RRAS2: variants seen among roughly 807,000 people sequenced by gnomAD.
RRAS2 encodes the protein RAS related 2.
RRAS2 carries 7 observed loss-of-function variants against 27.6 expected under a neutral mutation model. The observed-to-expected ratio is 0.25, with a 90% CI of 0.14 to 0.48. The LOEUF is 0.48. Ranked by LOEUF, RRAS2 falls within the 20% of genes least tolerant of loss-of-function variation. RRAS2 has a pLI of 0.99. For missense variants in RRAS2, 178 were observed against 256.2 expected (o/e 0.69, Z 2.08); for synonymous variants, 86 against 90.9 (o/e 0.95, Z 0.31).
At chr11:14,309,474 A>G (rs1369595582) in intron 1 of RRAS2, among the ~76,000 whole-genome samples, 1 of 152,242 alleles carries the variant, frequency 6.6e-6, no homozygotes, top group Non-Finnish European at 1.5e-5. Context: ...ATAAGCAAAC[A>G]TAATACATCA....
At chr11:14,324,096 G>GTAATTTAATTTACTAAT (rs1848291250) in intron 1 of RRAS2, among the ~76,000 whole-genome samples, 1 of 151,604 alleles carries the variant, frequency 6.6e-6, no homozygotes, top group Admixed American at 6.6e-5. Context: ...GGAGGTCCTA[G>GTAATTTAATTTACTAAT]TTAATTTAAT....
intron 1 of RRAS2, among the ~76,000 whole-genome samples, chr11:14,311,108 G>A (rs1282960991): frequency 6.6e-6 from 1 of 152,200 alleles, no homozygotes; most frequent in Admixed American, 6.5e-5. Context: ...AACACTTTGG[G>A]AGGTCAAGGT....
At chr11:14,331,673 TAAAAAA>T (rs80130992) in intron 1 of RRAS2, among the ~76,000 whole-genome samples, 1 of 81,600 alleles carries the variant, frequency 1.2e-5, no homozygotes, top group African/African-American at 4.8e-5. Flanking sequence ...CCCCAACTCT[TAAAAAA>T]AAAAAAAAAA....
At position 14,344,591 on chromosome 11, in the gene RRAS2, C is replaced by T. The variant is rs937725369; in HGVS notation, c.108+14172G>A. Among the ~76,000 whole-genome samples the T allele has an allele frequency of 3.3e-5, 5 of 152,220 alleles. No individual in the cohort carries two copies. In the South Asian group the frequency reaches 1.0e-3, roughly 31 times the overall value. ...ACTACCTGCTTAGCTTTCCTTTCAG[C>T]TCGCATCTTTTGACTACTGAAACGT... is the stretch of plus-strand genomic sequence containing the variant. On this transcript the variant is annotated intron_variant, in intron 1 of 5. Coordinates refer to ENST00000256196, the MANE Select transcript of RRAS2 (RefSeq NM_012250.6).
intron 1 of RRAS2, among the ~76,000 whole-genome samples, chr11:14,319,601 A>AC (rs1460864077): frequency 2.1e-5 from 3 of 144,160 alleles, no homozygotes; most frequent in African/African-American, 5.2e-5. Flanking sequence ...CTCATGATCC[A>AC]CCCGCCTCAG....
At chr11:14,341,200 T>C (rs1848697407) in intron 1 of RRAS2, among the ~76,000 whole-genome samples, 1 of 152,268 alleles carries the variant, frequency 6.6e-6, no homozygotes, top group Admixed American at 6.5e-5. Flanking sequence ...ATAAATTTCA[T>C]GAGCAAAAAA....
At chr11:14,313,158 T>C (rs1244183201) in intron 1 of RRAS2, among the ~76,000 whole-genome samples, 1 of 152,204 alleles carries the variant, frequency 6.6e-6, no homozygotes. Flanking sequence ...CTTATAAAAA[T>C]ACCCAAGTAC....
At chr11:14,320,728 G>A (rs570154748) in intron 1 of RRAS2, among the ~76,000 whole-genome samples, 1 of 152,192 alleles carries the variant, frequency 6.6e-6, no homozygotes, top group Admixed American at 6.5e-5. Flanking sequence ...TTTTAAATAG[G>A]ATGGATTGGT....
At chr11:14,282,488 T>A (rs1184571235) in intron 4 of RRAS2, among the ~76,000 whole-genome samples, 3 of 152,208 alleles carry the variant, frequency 2.0e-5, no homozygotes, top group African/African-American at 7.2e-5. Flanking sequence ...AGTTCCTACA[T>A]GTTTTAAATG....
At chr11:14,299,402 C>G (rs1346832278) in intron 1 of RRAS2, among the ~76,000 whole-genome samples, 4 of 152,214 alleles carry the variant, frequency 2.6e-5, no homozygotes, top group Non-Finnish European at 4.4e-5. Context: ...ACCCATCAGG[C>G]TGTACACTTA....
Position 14,358,805 on chromosome 11 carries a change from C to T in RRAS2, c.66G>A (p.Gly22=). 1.3e-6 allele frequency: 2 copies of T among 1,492,232 alleles called. No homozygotes were observed. The highest frequency in any genetic ancestry group is 1.8e-6 in the Non-Finnish European group (2 of 1,114,908). 92.4% of individuals were successfully genotyped at this position (1,492,232 alleles called of 1,614,324 possible). A position where few individuals can be genotyped will look rare whatever the true frequency, so the allele number is the denominator to read the frequency against. The change falls in exon 1 of 6, where the codon GGG becomes GGA. Residue 22 remains glycine, a synonymous_variant. Coordinates refer to ENST00000256196, the MANE Select transcript of RRAS2 (RefSeq NM_012250.6). The surrounding 1 kb of genome is among the most constrained non-coding windows in gnomAD (Gnocchi z 5.1). ...QEKYRLVVVG[G]GGVGKSALTI... is the part of the protein sequence containing the mutation. ...TGAGCGCCGACTTGCCCACGCCGCCCCCGCCGACCACCACGAGCCGGTACT... is the reference window on the plus strand; with the variant it reads ...TGAGCGCCGACTTGCCCACGCCGCCTCCGCCGACCACCACGAGCCGGTACT...
At chr11:14,309,292 T>C (rs562719451) in intron 1 of RRAS2, among the ~76,000 whole-genome samples, 7 of 152,190 alleles carry the variant, frequency 4.6e-5, no homozygotes, top group South Asian at 4.1e-4. Context: ...GTTCTATTAC[T>C]AAACTGCTAA....
chr11:14,295,687 T>G (rs1554946477), intron 2 of RRAS2, 81 bp downstream of exon 2: 1 of 1,073,664 alleles, frequency 9.3e-7, no homozygotes, highest in Non-Finnish European at 1.3e-6. Flanking sequence ...TCAAATATAT[T>G]ATTTAACATA....
chr11:14,322,889 A>T (rs1848257866), intron 1 of RRAS2, among the ~76,000 whole-genome samples: 1 of 152,212 alleles, frequency 6.6e-6, no homozygotes, highest in African/African-American at 2.4e-5. Flanking sequence ...AAGTTAAAGA[A>T]TGACCACTAA....
At chr11:14,340,018 C>T (rs1387968385) in intron 1 of RRAS2, among the ~76,000 whole-genome samples, 19 of 151,570 alleles carry the variant, frequency 1.3e-4, no homozygotes, top group Middle Eastern at 6.8e-3. Flanking sequence ...ATTCAGGAGG[C>T]TGAGGTGGGA....
upstream of RRAS2, among the ~76,000 whole-genome samples, chr11:14,363,785 A>T (rs1319840036): frequency 7.1e-6 from 1 of 140,168 alleles, no homozygotes; most frequent in Non-Finnish European, 1.5e-5. Flanking sequence ...AATAAAATAA[A>T]ATAGGCCAGG....
rs185772004 is a variant in RRAS2, at chr11:14,303,581, G to C, written c.109-7726C>G. ...GAGAGACCCCCATCTCCACAAAAAG[G>C]GGGGAAAAAAGTTTAAATATCCTTC... On this transcript the variant is annotated intron_variant, in intron 1 of 5. Transcript: ENST00000256196. Among the ~76,000 whole-genome samples, 204 of 152,252 alleles carry C rather than the reference G, an allele frequency of 1.3e-3. 4 individuals carry two copies. Among genetic ancestry groups the C allele is most frequent in the Admixed American group, 0.012 (180 of 15,288 alleles).
At chr11:14,349,734 T>C (rs1444216052) in intron 1 of RRAS2, among the ~76,000 whole-genome samples, 1 of 152,204 alleles carries the variant, frequency 6.6e-6, no homozygotes, top group Non-Finnish European at 1.5e-5. Flanking sequence ...TTTCTTTCAA[T>C]CTTTTTGTCT....
chr11:14,313,900 A>G (rs1848034867), intron 1 of RRAS2, among the ~76,000 whole-genome samples: 1 of 152,204 alleles, frequency 6.6e-6, no homozygotes, highest in Non-Finnish European at 1.5e-5. Context: ...ATTAATATAC[A>G]CATCTAAAAT....
Sources: gnomAD v4.1 joint callset for allele counts (sites outside exome capture counted in the v4.1 genomes callset) on GRCh38, gnomAD v4.1.1 for gene constraint, Gnocchi (gnomAD v3.1) non-coding constraint, MANE v1.5 for transcripts, NCBI Gene and HGNC (gene_info 2026-07-23, HGNC 2026-07-21) for gene names.